Variants in RSRC1 observed in about 807,000 individuals in gnomAD.
RSRC1 encodes arginine and serine rich coiled-coil 1, also known as serine/Arginine-related protein 53.
In RSRC1, 39 loss-of-function variants were observed where a neutral mutation model predicts 49.1. The observed-to-expected ratio is 0.79, with a 90% CI of 0.61 to 1.04. RSRC1 has a LOEUF of 1.04. Among genes scored for constraint, RSRC1 ranks in the 50% least tolerant of loss-of-function variants. The pLI is 0.00. For missense variants in RSRC1, 388 were observed against 402.4 expected, an observed-to-expected ratio of 0.96 and a Z score of 0.31; for synonymous variants, 143 against 130.8, an observed-to-expected ratio of 1.09 and a Z score of -0.63.
chr3:158,451,553 T>G (rs1248203203), intron 6 of RSRC1, among the ~76,000 whole-genome samples: 1 of 152,014 alleles, frequency 6.6e-6, no homozygotes, highest in Non-Finnish European at 1.5e-5. Flanking sequence ...CTATGTTAAA[T>G]TACAACTGCC....
chr3:158,376,439 G>C (rs1732380247), intron 6 of RSRC1, among the ~76,000 whole-genome samples: 1 of 151,938 alleles, frequency 6.6e-6, no homozygotes, highest in Admixed American at 6.6e-5. Flanking sequence ...TGGGATTACA[G>C]GTGTGAGCTA....
intron 4 of RSRC1, among the ~76,000 whole-genome samples, chr3:158,283,160 A>G (rs937710732): frequency 1.3e-5 from 2 of 152,190 alleles, no homozygotes; most frequent in Non-Finnish European, 2.9e-5. Context: ...AATGTAGACA[A>G]GGTTTTTAAA....
In RSRC1 at chr3:158,483,482, G is replaced by T. The variant is rs79095925; in HGVS notation, c.652+22479G>T. Reference sequence around the variant, plus strand: ...GATAACATGTATTTGCATTAGCAAAGAATAGAGAACCCATGTGAAATGAGC... The same window carrying T: ...GATAACATGTATTTGCATTAGCAAATAATAGAGAACCCATGTGAAATGAGC... On this transcript the variant is annotated intron_variant, in intron 7 of 9. Coordinates refer to ENST00000611884, the MANE Select transcript of RSRC1 (RefSeq NM_001271838.2). Among the ~76,000 whole-genome samples, 873 of 152,160 alleles carry T rather than the reference G, an allele frequency of 5.7e-3. 2 individuals carry two copies. The highest frequency in any genetic ancestry group is 0.02 in the African/African-American group (820 of 41,556).
chr3:158,303,000 C>G (rs1193801901), intron 5 of RSRC1: 2 of 152,016 alleles, frequency 1.3e-5, no homozygotes, highest in African/African-American at 2.4e-5. Context: ...TTTTAAAGTT[C>G]TGGATAATGT....
chr3:158,455,071 T>C (rs758848611), intron 6 of RSRC1, among the ~76,000 whole-genome samples: 2 of 152,190 alleles, frequency 1.3e-5, no homozygotes, highest in Non-Finnish European at 2.9e-5. Flanking sequence ...GCCCCAAGGC[T>C]ATCTCCTGTG....
chr3:158,239,153 G>A (rs112636887), intron 4 of RSRC1, among the ~76,000 whole-genome samples: 1,752 of 152,058 alleles, frequency 0.012, 28 homozygotes, highest in African/African-American at 0.041. Flanking sequence ...AATCAAAACC[G>A]CAATGAGATA....
chr3:158,341,681 G>A (rs921608429), intron 5 of RSRC1, among the ~76,000 whole-genome samples: 1 of 152,184 alleles, frequency 6.6e-6, no homozygotes. Context: ...AGAGTCCCTA[G>A]TGGGGTGCTG....
chr3:158,180,722 C>T (rs984697128), intron 3 of RSRC1, among the ~76,000 whole-genome samples: 1 of 151,584 alleles, frequency 6.6e-6, no homozygotes, highest in Non-Finnish European at 1.5e-5. Context: ...CCTGCCTCGG[C>T]CTCCCAAAGT....
At chr3:158,253,994 C>T (rs1724380654) in intron 4 of RSRC1, among the ~76,000 whole-genome samples, 2 of 152,146 alleles carry the variant, frequency 1.3e-5, no homozygotes, top group Non-Finnish European at 2.9e-5. Flanking sequence ...CAATTCCCAA[C>T]TGTAAGTGAG....
intron 3 of RSRC1, among the ~76,000 whole-genome samples, chr3:158,194,069 AC>A (rs1720398137): frequency 3.7e-5 from 1 of 26,948 alleles, no homozygotes; most frequent in Non-Finnish European, 8.1e-5. Context: ...ACACACACAC[AC>A]ACACACACAC....
chr3:158,525,013 T>C (rs1226509702), intron 7 of RSRC1, among the ~76,000 whole-genome samples: 1 of 152,044 alleles, frequency 6.6e-6, no homozygotes, highest in Non-Finnish European at 1.5e-5. Flanking sequence ...GCCTTGAGTA[T>C]GCAAAGATTT....
chr3:158,175,495 T>A (rs1363161084), intron 3 of RSRC1, among the ~76,000 whole-genome samples: 1 of 151,948 alleles, frequency 6.6e-6, no homozygotes, highest in Non-Finnish European at 1.5e-5. Flanking sequence ...TTTTTTTTGA[T>A]GTTCATCCAG....
At chr3:158,115,165 A>G (rs992251992) in intron 1 of RSRC1, among the ~76,000 whole-genome samples, 1 of 152,164 alleles carries the variant, frequency 6.6e-6, no homozygotes, top group African/African-American at 2.4e-5. Flanking sequence ...ATTTTGAGGT[A>G]TGTTCCAAGG....
intron 4 of RSRC1, among the ~76,000 whole-genome samples, chr3:158,236,058 G>A (rs536317859): frequency 1.4e-4 from 22 of 152,034 alleles, no homozygotes; most frequent in Admixed American, 1.4e-3. Flanking sequence ...GGAGGTTGCA[G>A]TGAGCTGAGA....
At chr3:158,500,409 C>T (rs1739538286) in intron 7 of RSRC1, among the ~76,000 whole-genome samples, 1 of 152,026 alleles carries the variant, frequency 6.6e-6, no homozygotes. Context: ...TTCCTACTTT[C>T]TCTGTCTTGA....
chr3:158,134,783 A>G (rs1471632974), intron 3 of RSRC1, among the ~76,000 whole-genome samples: 1 of 152,242 alleles, frequency 6.6e-6, no homozygotes, highest in African/African-American at 2.4e-5. Flanking sequence ...TTGGAAAGGT[A>G]TTCAATTAAC....
intron 3 of RSRC1, among the ~76,000 whole-genome samples, chr3:158,197,654 C>G (rs909151249): frequency 6.6e-6 from 1 of 152,078 alleles, no homozygotes; most frequent in Non-Finnish European, 1.5e-5. Flanking sequence ...CCTCTACACA[C>G]TGCTTTGAAT....
intron 6 of RSRC1, among the ~76,000 whole-genome samples, chr3:158,388,642 G>A (rs1007740135): frequency 6.2e-5 from 9 of 145,572 alleles, no homozygotes; most frequent in Non-Finnish European, 8.9e-5. Context: ...ACTGAGTCTC[G>A]CTCTGTAGCT....
intron 4 of RSRC1, among the ~76,000 whole-genome samples, chr3:158,266,225 CTT>C (rs1369885161): frequency 1.3e-5 from 2 of 151,906 alleles, no homozygotes; most frequent in African/African-American, 2.4e-5. Context: ...CATTTTTTCT[CTT>C]TAATTTTTTC....
Sources: allele counts gnomAD v4.1 joint callset (sites outside exome capture counted in the v4.1 genomes callset), GRCh38; gene constraint gnomAD v4.1.1; transcripts MANE v1.5; gene names NCBI Gene and HGNC (gene_info 2026-07-23, HGNC 2026-07-21).